Variants in REV3L observed in about 807,000 individuals in gnomAD.
The protein encoded by REV3L is REV3 like, DNA directed polymerase zeta catalytic subunit, also known as DNA polymerase zeta catalytic subunit.
REV3L carries 69 observed loss-of-function variants against 299.4 expected under a neutral mutation model. That is an observed-to-expected ratio of 0.23 (90% CI 0.19 to 0.28). The LOEUF (loss-of-function observed/expected upper bound fraction) is 0.28. REV3L is among the 10% of genes least tolerant of loss of function. The probability of loss-of-function intolerance (pLI) is 1.00; values close to 1 mark genes in which losing one functional copy is unlikely to be tolerated. For synonymous variants in REV3L, 1,238 were observed against 1,271.4 expected (o/e 0.97, Z 0.56); for missense variants, 3,128 against 3,693.8 (o/e 0.85, Z 3.97).
At chr6:111,329,383 A>G in intron 25 of REV3L, 149 bp downstream of exon 25, 1 of 629,718 alleles carries the variant, frequency 1.6e-6, no homozygotes, top group Non-Finnish European at 2.8e-6. Flanking sequence ...ATGAGGTCTC[A>G]CTATGTTGTC....
chr6:111,336,079 T>C (rs951713653), intron 21 of REV3L, among the ~76,000 whole-genome samples: 2 of 151,276 alleles, frequency 1.3e-5, no homozygotes, highest in South Asian at 2.1e-4. Context: ...AAAAGAGTAA[T>C]TTGGTGAAGA....
At chr6:111,316,819 CTG>C (rs1773583581) in intron 26 of REV3L, among the ~76,000 whole-genome samples, 1 of 152,102 alleles carries the variant, frequency 6.6e-6, no homozygotes, top group Non-Finnish European at 1.5e-5. Flanking sequence ...TTGTGTATAT[CTG>C]TAAATCTTTT....
At position 111,307,585 on chromosome 6, in the gene REV3L, A is replaced by G. The variant is rs1772459891; in HGVS notation, c.9043-15T>C. On this transcript the variant is annotated splice_polypyrimidine_tract_variant and intron_variant, in intron 30 of 31. Transcript: ENST00000368802. ...GCTTTATGGATCTATAAAAACATCC[A>G]TTCAGAAGTAAGCCTGAGTCAGCTT... The G allele has an allele frequency of 3.7e-6, 6 of 1,613,410 alleles. No individual in the cohort carries two copies. Among genetic ancestry groups the G allele is most frequent in the Non-Finnish European group, 4.2e-6 (5 of 1,179,436 alleles).
At chr6:111,410,166 T>C (rs1005916135) in intron 3 of REV3L, among the ~76,000 whole-genome samples, 1 of 152,144 alleles carries the variant, frequency 6.6e-6, no homozygotes, top group African/African-American at 2.4e-5. Flanking sequence ...GACTGCACCA[T>C]TGCGTACTCC....
Position 111,411,973 on chromosome 6 carries a change from G to A in REV3L, c.330-419C>T, listed in dbSNP as rs543410631. 10 of 985,178 alleles carry A rather than the reference G, an allele frequency of 1.0e-5. No individual in the cohort carries two copies. In the South Asian group the frequency reaches 1.9e-4, roughly 19 times the overall value. The allele number at this position is 985,178 out of a possible 1,614,324, so 61.0% of individuals were successfully genotyped here. A position where few individuals can be genotyped will look rare whatever the true frequency, so the allele number is the denominator to read the frequency against. On this transcript the variant is annotated intron_variant, in intron 2 of 31. Coordinates refer to ENST00000368802, the MANE Select transcript of REV3L (RefSeq NM_001372078.1). ...TATGAGAGAAACAGACCTTTCAGCCGCCTTCTTCTGGCTCCCATTTTTTTG... is the reference window on the plus strand; with the variant it reads ...TATGAGAGAAACAGACCTTTCAGCCACCTTCTTCTGGCTCCCATTTTTTTG...
chr6:111,441,891 G>A (rs1788303542), intron 1 of REV3L, among the ~76,000 whole-genome samples: 1 of 152,150 alleles, frequency 6.6e-6, no homozygotes, highest in Admixed American at 6.5e-5. Flanking sequence ...TGGGGTATGG[G>A]GAGAAGATAA....
intron 31 of REV3L, among the ~76,000 whole-genome samples, chr6:111,301,157 C>A (rs796879324): frequency 3.9e-5 from 6 of 152,274 alleles, no homozygotes; most frequent in African/African-American, 1.4e-4. Flanking sequence ...TCCTGCAGCA[C>A]CCCCAGGCTT....
intron 4 of REV3L, among the ~76,000 whole-genome samples, chr6:111,395,508 T>C (rs950931061): frequency 2.0e-5 from 3 of 152,180 alleles, no homozygotes; most frequent in African/African-American, 7.2e-5. Context: ...TTTCAGCTAG[T>C]TGTTATTGGT....
chr6:111,422,020 A>T (rs1322679988), intron 1 of REV3L, among the ~76,000 whole-genome samples: 3 of 152,312 alleles, frequency 2.0e-5, no homozygotes, highest in Admixed American at 1.3e-4. Context: ...ATTCTCATGG[A>T]AAAAGAAAAG....
intron 28 of REV3L, chr6:111,311,608 G>T (rs570237608): frequency 1.2e-3 from 186 of 159,262 alleles, no homozygotes; most frequent in Non-Finnish European, 2.2e-3. Context: ...TTCATGTATT[G>T]TTTTTTTATT....
At chr6:111,393,139 G>A (rs1291128004) in intron 4 of REV3L, among the ~76,000 whole-genome samples, 167 bp from the exon 5 acceptor site, 3 of 151,716 alleles carry the variant, frequency 2.0e-5, no homozygotes, top group South Asian at 4.2e-4. Flanking sequence ...CCAGGTTCAC[G>A]CCATTCTCCT....
intron 14 of REV3L, 52 bp from the exon 15 acceptor site, chr6:111,365,396 G>T (rs1779089697): frequency 1.8e-6 from 2 of 1,090,382 alleles, no homozygotes; most frequent in Non-Finnish European, 2.6e-6. Flanking sequence ...ACCTGCTTCT[G>T]GTTTTTAAAA....
chr6:111,438,758 G>T (rs963382343), intron 1 of REV3L, among the ~76,000 whole-genome samples: 6 of 152,156 alleles, frequency 3.9e-5, no homozygotes, highest in Non-Finnish European at 7.3e-5. Flanking sequence ...GATATGGCAA[G>T]TGAGTTCTAC....
chr6:111,373,155 C>T lies in REV3L; in HGVS notation c.5200G>A (p.Asp1734Asn). The T allele has an allele frequency of 6.2e-7, 1 of 1,614,118 alleles. No homozygotes were observed. Among genetic ancestry groups the T allele is most frequent in the Non-Finnish European group, 8.5e-7 (1 of 1,180,002 alleles). Residue 1734 changes from aspartate (D) to asparagine (N), a missense_variant, in exon 13 of 32, where the codon GAT becomes AAT. Asp to Asn is a conservative substitution (Grantham distance 23). Transcript: ENST00000368802. ...TTGTGGCGACGATTCTCATTGCTAT[C>T]TATGGTTGACTTCTCAAAAATTTCA... ...SPEIFEKSTIDSNENRRHNQW... is the reference protein window; with the variant it reads ...SPEIFEKSTINSNENRRHNQW...
intron 1 of REV3L, among the ~76,000 whole-genome samples, chr6:111,446,799 T>A (rs1788909184): frequency 6.6e-6 from 1 of 152,136 alleles, no homozygotes; most frequent in Non-Finnish European, 1.5e-5. Context: ...TCTCCTTTTG[T>A]AAAGCCTTAG....
intron 18 of REV3L, among the ~76,000 whole-genome samples, chr6:111,352,547 C>T (rs1006023834): frequency 3.3e-5 from 5 of 152,078 alleles, no homozygotes; most frequent in African/African-American, 1.2e-4. Context: ...CTATACTGCC[C>T]TTAAACAGTT....
intron 4 of REV3L, among the ~76,000 whole-genome samples, chr6:111,400,368 C>T (rs894798168): frequency 3.3e-5 from 5 of 152,210 alleles, no homozygotes; most frequent in Non-Finnish European, 2.9e-5. Context: ...GTCAGCGCTG[C>T]TGTTCCACCT....
At chr6:111,461,846 A>G (rs931677402) in intron 1 of REV3L, among the ~76,000 whole-genome samples, 13 of 152,104 alleles carry the variant, frequency 8.5e-5, no homozygotes, top group Non-Finnish European at 1.8e-4. Flanking sequence ...ATCCAAAAGA[A>G]AAAAAGAACA....
At chr6:111,324,524 T>C (rs1187097202) in intron 25 of REV3L, among the ~76,000 whole-genome samples, 2 of 152,198 alleles carry the variant, frequency 1.3e-5, no homozygotes, top group African/African-American at 2.4e-5. Flanking sequence ...CAAAGTCAAA[T>C]ATACTTCTGA....
Sources: allele counts gnomAD v4.1 joint callset (sites outside exome capture counted in the v4.1 genomes callset), GRCh38; gene constraint gnomAD v4.1.1; transcripts MANE v1.5; gene names NCBI Gene and HGNC (gene_info 2026-07-23, HGNC 2026-07-21).